PDE10A: variants seen among roughly 807,000 people sequenced by gnomAD.
PDE10A encodes the protein cAMP and cAMP-inhibited cGMP 3',5'-cyclic phosphodiesterase 10A.
A neutral mutation model predicts 97.7 loss-of-function variants in PDE10A; 39 were observed. The observed-to-expected ratio is 0.40, with a 90% CI of 0.31 to 0.52. The LOEUF is 0.52. Among genes scored for constraint, PDE10A ranks in the 20% least tolerant of loss-of-function variants. The pLI is 0.56. For missense variants in PDE10A, 731 were observed against 1,047.8 expected (o/e 0.70, Z 4.17); for synonymous variants, 371 against 376.8 (o/e 0.98, Z 0.18).
At chr6:165,829,370 G>A (rs536622125) in intron 1 of PDE10A, among the ~76,000 whole-genome samples, 5 of 139,286 alleles carry the variant, frequency 3.6e-5, no homozygotes, top group African/African-American at 1.3e-4. Flanking sequence ...AGGCAAGCAC[G>A]GGATACACAG....
At chr6:165,623,855 C>T (rs1318022021) in intron 1 of PDE10A, among the ~76,000 whole-genome samples, 1 of 152,200 alleles carries the variant, frequency 6.6e-6, no homozygotes, top group African/African-American at 2.4e-5. Flanking sequence ...CTCTGAAATA[C>T]CTGTCTGTTC....
chr6:165,602,654 C>G (rs973225266), intron 1 of PDE10A, among the ~76,000 whole-genome samples: 2 of 152,078 alleles, frequency 1.3e-5, no homozygotes, highest in Non-Finnish European at 2.9e-5. Flanking sequence ...GAAAAAGGTA[C>G]TTTTGTATTA....
chr6:165,372,442 A>G (rs1178102757), intron 18 of PDE10A, among the ~76,000 whole-genome samples: 78 of 127,558 alleles, frequency 6.1e-4, no homozygotes, highest in Middle Eastern at 3.9e-3. Context: ...TAACAGACAA[A>G]CAGAAAGCCA....
chr6:165,817,415 G>C (rs1406973464), intron 1 of PDE10A, among the ~76,000 whole-genome samples: 1 of 152,056 alleles, frequency 6.6e-6, no homozygotes, highest in East Asian at 1.9e-4. Context: ...TTGGTTCAGG[G>C]CATCCAATTC....
At chr6:165,602,687 T>C (rs1212447139) in intron 1 of PDE10A, among the ~76,000 whole-genome samples, 1 of 152,172 alleles carries the variant, frequency 6.6e-6, no homozygotes, top group Non-Finnish European at 1.5e-5. Flanking sequence ...AGGGCACCCA[T>C]ATGATAAAAA....
chr6:165,583,748 C>A (rs932187634), intron 1 of PDE10A, among the ~76,000 whole-genome samples: 1 of 152,150 alleles, frequency 6.6e-6, no homozygotes, highest in Non-Finnish European at 1.5e-5. Flanking sequence ...TGTATATGTC[C>A]TAAACTAGTG....
chr6:165,788,202 T>G (rs1778545773), intron 1 of PDE10A, among the ~76,000 whole-genome samples: 1 of 152,026 alleles, frequency 6.6e-6, no homozygotes, highest in Non-Finnish European at 1.5e-5. Flanking sequence ...CTTTGTGTGG[T>G]GAGGTTACAT....
At chr6:165,721,979 C>T (rs1792177766) in intron 1 of PDE10A, among the ~76,000 whole-genome samples, 2 of 152,206 alleles carry the variant, frequency 1.3e-5, no homozygotes, top group Admixed American at 1.3e-4. Context: ...CATGGAGTTA[C>T]ACTATTTTCA....
intron 1 of PDE10A, among the ~76,000 whole-genome samples, chr6:165,972,650 T>C (rs1784718828): frequency 1.3e-5 from 2 of 152,154 alleles, no homozygotes; most frequent in Non-Finnish European, 2.9e-5. Context: ...GGTGCTGAGA[T>C]GCAGGTGCGT....
chr6:165,503,829 TA>T (rs1781040204), intron 2 of PDE10A, among the ~76,000 whole-genome samples: 2 of 152,156 alleles, frequency 1.3e-5, no homozygotes, highest in Admixed American at 1.3e-4. Flanking sequence ...AAAAAATAAG[TA>T]ACTGAAAGAT....
chr6:165,941,118 C>G (rs900964783), intron 1 of PDE10A, among the ~76,000 whole-genome samples: 2 of 152,118 alleles, frequency 1.3e-5, no homozygotes, highest in Non-Finnish European at 2.9e-5. Context: ...TGACCTTAGG[C>G]AAGTTACTGA....
intron 1 of PDE10A, among the ~76,000 whole-genome samples, chr6:165,730,248 A>T (rs1245887261): frequency 6.6e-6 from 1 of 152,094 alleles, no homozygotes; most frequent in Non-Finnish European, 1.5e-5. Context: ...GAGCTAAGTG[A>T]AAATATTTCC....
intron 1 of PDE10A, among the ~76,000 whole-genome samples, chr6:165,937,220 C>T (rs1783362408): frequency 6.6e-6 from 1 of 152,212 alleles, no homozygotes; most frequent in African/African-American, 2.4e-5. Context: ...TGCCACTTGT[C>T]TAATCCTGAA....
chr6:165,614,980 G>A (rs1319702057), intron 1 of PDE10A, among the ~76,000 whole-genome samples: 5 of 152,124 alleles, frequency 3.3e-5, no homozygotes, highest in Non-Finnish European at 7.4e-5. Flanking sequence ...GTGAGGCCGA[G>A]GCGGGCAGAT....
chr6:165,428,645 A>G lies in PDE10A; in HGVS notation c.1653+13T>C. The G allele has an allele frequency of 8.1e-7, 1 of 1,234,200 alleles. No homozygotes were observed. The highest frequency in any genetic ancestry group is 1.2e-6 in the Non-Finnish European group (1 of 846,640). The allele number at this position is 1,234,200 out of a possible 1,614,324, so 76.5% of individuals were successfully genotyped here. On this transcript the variant is annotated intron_variant, in intron 10 of 21. Transcript: ENST00000539869. ...GGTTAAACAGAATCATACTCAGAAC[A>G]AAAACAACCTACCATTATGTGTTCA...
chr6:165,619,241 G>GTGTAGTGTAATCTA (rs879730313), intron 1 of PDE10A, among the ~76,000 whole-genome samples: 1 of 109,706 alleles, frequency 9.1e-6, no homozygotes, highest in Non-Finnish European at 1.8e-5. Context: ...AGACTAGTGT[G>GTGTAGTGTAATCTA]GTGTAGTGTA....
At chr6:165,448,832 T>C (rs2128248603) in intron 5 of PDE10A, 96 bp downstream of exon 5, 3 of 753,100 alleles carry the variant, frequency 4.0e-6, no homozygotes, top group East Asian at 5.1e-5. Flanking sequence ...AAATGAAAAG[T>C]ACTTAATCAT....
At chr6:165,900,366 A>G (rs1413909156) in intron 1 of PDE10A, among the ~76,000 whole-genome samples, 1 of 152,052 alleles carries the variant, frequency 6.6e-6, no homozygotes, top group Admixed American at 6.6e-5. Flanking sequence ...CAGCTACTCC[A>G]GAGGCTGAGG....
intron 1 of PDE10A, among the ~76,000 whole-genome samples, chr6:165,605,196 T>G (rs11751728): frequency 0.12 from 18,552 of 152,158 alleles, 1,166 homozygotes; most frequent in Non-Finnish European, 0.14. Flanking sequence ...CTTCCTTTCA[T>G]CTGTGACTCC....
Sources: gnomAD v4.1 joint callset for allele counts (sites outside exome capture counted in the v4.1 genomes callset) on GRCh38, gnomAD v4.1.1 for gene constraint, MANE v1.5 for transcripts, NCBI Gene and HGNC (gene_info 2026-07-23, HGNC 2026-07-21) for gene names.